The following UNKL variants were observed in gnomAD, a reference collection of about 807,000 sequenced individuals.
UNKL encodes putative E3 ubiquitin-protein ligase UNKL.
A neutral mutation model predicts 78.0 loss-of-function variants in UNKL; 60 were observed. The ratio of observed to expected loss-of-function variants is 0.77; its 90% CI spans 0.63 to 0.95. UNKL has a LOEUF of 0.95. Ranked by LOEUF, UNKL falls within the 40% of genes least tolerant of loss-of-function variation. The pLI, the probability that UNKL is intolerant of heterozygous loss-of-function variation, is 0.00. For missense variants in UNKL, 1,159 were observed against 1,045.7 expected (o/e 1.11, Z -1.49); for synonymous variants, 608 against 474.8 (o/e 1.28, Z -3.65).
In UNKL at chr16:1,365,552, T is replaced by C. The variant is rs1482362893; in HGVS notation, c.*688A>G. 6.6e-6 allele frequency: 1 copy of C among 152,582 alleles called. No homozygotes were observed. Among genetic ancestry groups the C allele is most frequent in the Admixed American group, 6.5e-5 (1 of 15,276 alleles). The allele number at this position is 152,582 out of a possible 1,614,324, so 9.5% of individuals were successfully genotyped here. Reference sequence around the variant, plus strand: ...GGTGCACACACAGGCTCAGGAAAACTAGCTCCTTCCATCAAGTTAAAAACA... The same window carrying C: ...GGTGCACACACAGGCTCAGGAAAACCAGCTCCTTCCATCAAGTTAAAAACA... On this transcript the variant is annotated 3_prime_UTR_variant, in exon 15 of 15. Coordinates refer to ENST00000389221, the MANE Select transcript of UNKL (RefSeq NM_001372107.1).
At chr16:1,374,632 C>T (rs994331917) in intron 10 of UNKL, among the ~76,000 whole-genome samples, 6 of 152,118 alleles carry the variant, frequency 3.9e-5, no homozygotes, top group Non-Finnish European at 5.9e-5. Context: ...TACCCGACAT[C>T]GAGTCCCGCC....
chr16:1,402,807 A>G (rs1201364836), intron 3 of UNKL, among the ~76,000 whole-genome samples: 1 of 149,178 alleles, frequency 6.7e-6, no homozygotes, highest in Non-Finnish European at 1.5e-5. Flanking sequence ...ACATGGTGAA[A>G]CCCCATCTCT....
rs572530900 is a variant in UNKL, at chr16:1,409,907, C to T, written c.287+3939G>A. On this transcript the variant is annotated intron_variant, in intron 2 of 14. Coordinates refer to ENST00000389221, the MANE Select transcript of UNKL (RefSeq NM_001372107.1). ...ACCAGCCTGGCCAACATGGTGAAAC[C>T]CATCTCTACTAAAAACACAAAAATT... 2.6e-5 allele frequency among the ~76,000 whole-genome samples: 4 copies of T among 151,972 alleles called. No homozygotes were observed. In the South Asian group the frequency reaches 8.3e-4, roughly 32 times the overall value.
In UNKL at chr16:1,399,772, C is replaced by T. The variant is rs978745026; in HGVS notation, c.599-263G>A. ...GGAACCCACAGAGACGGAGTGGAGC[C>T]GAGACCACCAGGGCTGGGAGGGAGT... On this transcript the variant is annotated intron_variant, in intron 4 of 14. Coordinates refer to ENST00000389221, the MANE Select transcript of UNKL (RefSeq NM_001372107.1). The surrounding 1 kb of genome is among the most constrained non-coding windows in gnomAD (Gnocchi z 5.8). Among the ~76,000 whole-genome samples, 1 of 152,160 alleles carries T rather than the reference C, an allele frequency of 6.6e-6. No individual in the cohort carries two copies. Among genetic ancestry groups the T allele is most frequent in the Non-Finnish European group, 1.5e-5 (1 of 68,036 alleles).
chr16:1,370,090 G>T, intron 12 of UNKL, 40 bp downstream of exon 12: 1 of 1,544,246 alleles, frequency 6.5e-7, no homozygotes. Context: ...CCCCACGGAG[G>T]CTTCACGGCA....
chr16:1,395,632 G>C (rs935608201), intron 6 of UNKL: 1 of 450,432 alleles, frequency 2.2e-6, no homozygotes, highest in Non-Finnish European at 4.5e-6. Flanking sequence ...CCTCGGAAGA[G>C]TCCTTGTTTA....
intron 12 of UNKL, chr16:1,368,300 A>G (rs1186354646): frequency 4.2e-5 from 7 of 166,038 alleles, no homozygotes; most frequent in African/African-American, 4.8e-5. Flanking sequence ...GAAATAGTTT[A>G]AATGTTACTT....
At position 1,364,926 on chromosome 16, in the gene UNKL, C is replaced by T. The variant is rs1001285842; in HGVS notation, c.*1314G>A. On this transcript the variant is annotated 3_prime_UTR_variant, in exon 15 of 15. Transcript: ENST00000389221. ...TCACTGCCTGACCCCTGCCAGGACGCCCAGCGACATCTCCAAGGAGCTACA... is the reference window on the plus strand; with the variant it reads ...TCACTGCCTGACCCCTGCCAGGACGTCCAGCGACATCTCCAAGGAGCTACA... 1 of 152,390 alleles carries T rather than the reference C, an allele frequency of 6.6e-6. No individual in the cohort carries two copies. Among genetic ancestry groups the T allele is most frequent in the Non-Finnish European group, 1.5e-5 (1 of 68,162 alleles). 9.4% of individuals were successfully genotyped at this position (152,390 alleles called of 1,614,324 possible). A position where few individuals can be genotyped will look rare whatever the true frequency, so the allele number is the denominator to read the frequency against.
intron 2 of UNKL, among the ~76,000 whole-genome samples, chr16:1,409,890 G>T (rs1046473764): frequency 2.6e-5 from 4 of 152,012 alleles, no homozygotes; most frequent in African/African-American, 9.7e-5. Flanking sequence ...AGACCAGCCT[G>T]GCCAACATGG....
chr16:1,377,005 G>A (rs1318115604), intron 10 of UNKL, among the ~76,000 whole-genome samples: 1 of 151,942 alleles, frequency 6.6e-6, no homozygotes, highest in East Asian at 1.9e-4. Flanking sequence ...TGGGGTTCAG[G>A]TGCATCTTCC....
chr16:1,394,247 T>C (rs986233491), intron 6 of UNKL, 32 bp from the exon 7 acceptor site: 13 of 1,548,056 alleles, frequency 8.4e-6, no homozygotes, highest in Middle Eastern at 1.7e-4. Context: ...AGAGGTTGGA[T>C]TGGAAATGGG....
rs560617517 is a variant in UNKL, at chr16:1,394,846, G to A, written c.853-631C>T. Reference sequence around the variant, plus strand: ...CACCCCCCCATGGCCCTTCCACCACGTCGGGCACCCGGTGGGGTCCCGTTT... The same window carrying A: ...CACCCCCCCATGGCCCTTCCACCACATCGGGCACCCGGTGGGGTCCCGTTT... On this transcript the variant is annotated intron_variant, in intron 6 of 14. Coordinates refer to ENST00000389221, the MANE Select transcript of UNKL (RefSeq NM_001372107.1). Among the ~76,000 whole-genome samples, 81 of 152,310 alleles carry A rather than the reference G, an allele frequency of 5.3e-4. 1 individual carries two copies. The highest frequency in any genetic ancestry group is 1.8e-3 in the African/African-American group (73 of 41,570).
chr16:1,404,580 G>A (rs1480486062), intron 2 of UNKL, among the ~76,000 whole-genome samples: 4 of 152,146 alleles, frequency 2.6e-5, no homozygotes, highest in Admixed American at 1.3e-4. Flanking sequence ...AAATTACAAC[G>A]CTACCTTGGT....
At chr16:1,391,338 A>G (rs1002643542) in intron 8 of UNKL, among the ~76,000 whole-genome samples, 4 of 152,094 alleles carry the variant, frequency 2.6e-5, no homozygotes, top group African/African-American at 9.7e-5. Flanking sequence ...TTTTGTTTTG[A>G]GACAGGATCT....
intron 4 of UNKL, chr16:1,401,275 TC>T (rs1240421533): frequency 6.3e-6 from 2 of 315,038 alleles, no homozygotes; most frequent in East Asian, 1.0e-4. Flanking sequence ...CCTCACGAGT[TC>T]CGGTGGGAGT....
At position 1,399,610 on chromosome 16, in the gene UNKL, G is replaced by A. The variant is rs1567231403; in HGVS notation, c.599-101C>T. On this transcript the variant is annotated intron_variant, in intron 4 of 14. Coordinates refer to ENST00000389221, the MANE Select transcript of UNKL (RefSeq NM_001372107.1). The surrounding 1 kb of genome is among the most constrained non-coding windows in gnomAD (Gnocchi z 5.8). ...GACCTGGCTGTCCCCCAAATGGAAG[G>A]GGCTGCAGGAGGACTTGGGGAGCGC... is the stretch of plus-strand genomic sequence containing the variant. 2.0e-6 allele frequency: 3 copies of A among 1,513,984 alleles called. No homozygotes were observed. The highest frequency in any genetic ancestry group is 2.7e-6 in the Non-Finnish European group (3 of 1,130,260). 93.8% of individuals were successfully genotyped at this position (1,513,984 alleles called of 1,614,324 possible). A position where few individuals can be genotyped will look rare whatever the true frequency, so the allele number is the denominator to read the frequency against.
chr16:1,395,882 T>G, intron 6 of UNKL: 1 of 411,692 alleles, frequency 2.4e-6, no homozygotes, highest in South Asian at 1.6e-5. Flanking sequence ...ACAACATGAG[T>G]CAAGAAACGA....
At chr16:1,368,074 TCTC>T in intron 12 of UNKL, 2 of 458,700 alleles carry the variant, frequency 4.4e-6, no homozygotes, top group Non-Finnish European at 3.9e-6. Flanking sequence ...CCCCGGCCGG[TCTC>T]CCCACCAGAT....
rs144705121 is a variant in UNKL, at chr16:1,413,857, G to A, written c.276C>T (p.Pro92=). Residue 92 remains proline (P), a synonymous_variant, in exon 2 of 15, where the codon CCC becomes CCT. Coordinates refer to ENST00000389221, the MANE Select transcript of UNKL (RefSeq NM_001372107.1). The stretch of plus-strand genomic sequence containing the variant: ...TCGCGGCCGCTTACTCGTCGCCGTC[G>A]GGGCACACGCCGGTGGCTTCGTTGT... ...SKYNEATGVC[P]DGDECPYLHR... The A allele has an allele frequency of 1.6e-3, 2,458 of 1,523,216 alleles. 32 individuals are homozygous for A. The African/African-American group carries it at 0.029, about 18-fold the overall frequency. The allele number at this position is 1,523,216 out of a possible 1,614,324, so 94.4% of individuals were successfully genotyped here. A position where few individuals can be genotyped will look rare whatever the true frequency, so the allele number is the denominator to read the frequency against.
Sources: allele counts gnomAD v4.1 joint callset (sites outside exome capture counted in the v4.1 genomes callset), GRCh38; gene constraint gnomAD v4.1.1; non-coding constraint Gnocchi (gnomAD v3.1); transcripts MANE v1.5; gene names NCBI Gene and HGNC (gene_info 2026-07-23, HGNC 2026-07-21).